The following ZBTB20 variants were observed in gnomAD, a reference collection of about 807,000 sequenced individuals.
ZBTB20 encodes the protein zinc finger and BTB domain-containing protein 20.
In ZBTB20, 9 loss-of-function variants were observed where a neutral mutation model predicts 56.9. That is an observed-to-expected ratio of 0.16 (90% CI 0.10 to 0.28). The LOEUF (loss-of-function observed/expected upper bound fraction) is 0.28. Among genes scored for constraint, ZBTB20 ranks in the 10% least tolerant of loss-of-function variants. The pLI is 1.00. For synonymous variants in ZBTB20, 417 were observed against 420.7 expected (o/e 0.99, Z 0.11); for missense variants, 655 against 1,003.0 (o/e 0.65, Z 4.69).
At chr3:115,022,139 A>C (rs1013203697) in intron 2 of ZBTB20, among the ~76,000 whole-genome samples, 1 of 150,740 alleles carries the variant, frequency 6.6e-6, no homozygotes, top group Admixed American at 6.6e-5. Context: ...TAGGATACGT[A>C]AAAAAGATAA....
At chr3:114,823,447 G>T (rs1296009254) in intron 4 of ZBTB20, among the ~76,000 whole-genome samples, 1 of 151,250 alleles carries the variant, frequency 6.6e-6, no homozygotes, top group Admixed American at 6.6e-5. Context: ...TCCAAAGAAA[G>T]GACTTATAAG....
At chr3:114,656,939 G>T (rs939628264) in intron 6 of ZBTB20, among the ~76,000 whole-genome samples, 1 of 151,810 alleles carries the variant, frequency 6.6e-6, no homozygotes, top group Non-Finnish European at 1.5e-5. Flanking sequence ...TACCGCACCG[G>T]GCCTGAAAAC....
intron 2 of ZBTB20, among the ~76,000 whole-genome samples, chr3:115,025,272 C>T (rs1035193792): frequency 2.6e-5 from 4 of 151,340 alleles, no homozygotes; most frequent in African/African-American, 9.7e-5. Context: ...CTGAGAAGAA[C>T]ACGATCGCAT....
chr3:114,663,860 C>T (rs1416136221), intron 6 of ZBTB20, among the ~76,000 whole-genome samples: 21 of 150,592 alleles, frequency 1.4e-4, no homozygotes, highest in Admixed American at 1.4e-3. Flanking sequence ...ATATATGCAC[C>T]CAATACAGGA....
At position 114,329,899 on chromosome 3, in the gene ZBTB20, C is replaced by CT. The variant is rs1440226399; in HGVS notation, c.*9105dup. The CT allele has an allele frequency of 6.6e-6, 1 of 152,116 alleles. No individual in the cohort carries two copies. The highest frequency in any genetic ancestry group is 1.5e-5 in the Non-Finnish European group (1 of 68,018). 9.4% of individuals were successfully genotyped at this position (152,116 alleles called of 1,614,324 possible). On this transcript the variant is annotated 3_prime_UTR_variant, in exon 12 of 12. Coordinates refer to ENST00000675478, the MANE Select transcript of ZBTB20 (RefSeq NM_001348800.3). ...TGGGGACAACTAGGTAATTCACTGTCTTACGCTTTTCAGAAGACTGGCCCT... is the reference window on the plus strand; with the variant it reads ...TGGGGACAACTAGGTAATTCACTGTCTTTACGCTTTTCAGAAGACTGGCCCT...
chr3:114,589,921 A>G (rs1202577511), intron 6 of ZBTB20, among the ~76,000 whole-genome samples: 2 of 152,094 alleles, frequency 1.3e-5, no homozygotes, highest in African/African-American at 4.8e-5. Context: ...CTCTCCCCTT[A>G]TTTCATAGCA....
intron 1 of ZBTB20, among the ~76,000 whole-genome samples, chr3:115,092,714 T>C (rs1289548413): frequency 2.6e-5 from 4 of 152,048 alleles, no homozygotes; most frequent in Non-Finnish European, 5.9e-5. Flanking sequence ...TTCATTCCAT[T>C]AAAAACAGCC....
At chr3:114,664,673 G>A (rs1474186995) in intron 6 of ZBTB20, among the ~76,000 whole-genome samples, 1 of 151,870 alleles carries the variant, frequency 6.6e-6, no homozygotes, top group East Asian at 1.9e-4. Context: ...TTGCATCTGT[G>A]AGCCACTGAG....
intron 7 of ZBTB20, chr3:114,445,419 C>T (rs975050556): frequency 6.6e-6 from 1 of 152,186 alleles, no homozygotes; most frequent in African/African-American, 2.4e-5. Flanking sequence ...ACCTTGCCCA[C>T]TGAGTTCACT....
Position 115,131,399 on chromosome 3 carries a change from T to A in ZBTB20, c.-703+15820A>T, listed in dbSNP as rs1158412877. ...TTCTATACCTTGCTCTTCTCACTCA[T>A]AAGAAACTCCTGGAAATTCTTTCAG... On this transcript the variant is annotated intron_variant, in intron 1 of 11. Coordinates refer to ENST00000675478, the MANE Select transcript of ZBTB20 (RefSeq NM_001348800.3). 3.9e-5 allele frequency among the ~76,000 whole-genome samples: 6 copies of A among 152,322 alleles called. No homozygotes were observed. In the East Asian group the frequency reaches 1.2e-3, roughly 29 times the overall value.
chr3:115,145,603 C>T (rs1248892834), intron 1 of ZBTB20, among the ~76,000 whole-genome samples: 1 of 152,106 alleles, frequency 6.6e-6, no homozygotes, highest in East Asian at 1.9e-4. Flanking sequence ...ATCTATTCCC[C>T]CACACCCAAA....
chr3:114,609,838 T>C (rs2057422389), intron 6 of ZBTB20, among the ~76,000 whole-genome samples: 1 of 152,158 alleles, frequency 6.6e-6, no homozygotes, highest in Non-Finnish European at 1.5e-5. Context: ...CAGAGGTATG[T>C]GGACTCTCAA....
chr3:115,137,783 A>C (rs1404915530), intron 1 of ZBTB20, among the ~76,000 whole-genome samples: 1 of 152,134 alleles, frequency 6.6e-6, no homozygotes, highest in African/African-American at 2.4e-5. Context: ...ATTGGACAGC[A>C]AACAACAATG....
chr3:114,508,125 T>C (rs2044865631), intron 6 of ZBTB20, among the ~76,000 whole-genome samples: 1 of 152,132 alleles, frequency 6.6e-6, no homozygotes, highest in Admixed American at 6.6e-5. Flanking sequence ...CAGAAAGTAA[T>C]ATATGAACTC....
At chr3:115,008,630 G>C (rs1408445410) in intron 2 of ZBTB20, among the ~76,000 whole-genome samples, 2 of 151,820 alleles carry the variant, frequency 1.3e-5, no homozygotes, top group African/African-American at 4.8e-5. Flanking sequence ...TAATATAAAA[G>C]TAACTTAATG....
chr3:114,626,457 T>C (rs1446904501), intron 6 of ZBTB20, among the ~76,000 whole-genome samples: 1 of 152,214 alleles, frequency 6.6e-6, no homozygotes, highest in African/African-American at 2.4e-5. Context: ...TTGATTATCA[T>C]ATCATATCAT....
At chr3:114,534,145 T>A (rs185057532) in intron 6 of ZBTB20, among the ~76,000 whole-genome samples, 1 of 152,232 alleles carries the variant, frequency 6.6e-6, no homozygotes, top group East Asian at 1.9e-4. Context: ...ACAGTGTTAA[T>A]CTTAAATGTA....
intron 3 of ZBTB20, among the ~76,000 whole-genome samples, chr3:114,907,752 T>A (rs915395823): frequency 1.3e-5 from 2 of 151,938 alleles, no homozygotes; most frequent in Admixed American, 6.6e-5. Context: ...CTAAAATGTT[T>A]ATTGAGTACT....
Position 114,570,052 on chromosome 3 carries a change from A to G in ZBTB20, c.-294-69661T>C, listed in dbSNP as rs909476644. Reference sequence around the variant, plus strand: ...TATATGCATTCAATTACGCACTTCAATAGTATAAAGGGTATTTCTCAACAT... The same window carrying G: ...TATATGCATTCAATTACGCACTTCAGTAGTATAAAGGGTATTTCTCAACAT... On this transcript the variant is annotated intron_variant, in intron 6 of 11. Transcript: ENST00000675478. Among the ~76,000 whole-genome samples, 34 of 152,202 alleles carry G rather than the reference A, an allele frequency of 2.2e-4. 1 individual carries two copies. The highest frequency in any genetic ancestry group is 8.2e-4 in the African/African-American group (34 of 41,466).
Sources: gnomAD v4.1 joint callset for allele counts (sites outside exome capture counted in the v4.1 genomes callset) on GRCh38, gnomAD v4.1.1 for gene constraint, MANE v1.5 for transcripts, NCBI Gene and HGNC (gene_info 2026-07-23, HGNC 2026-07-21) for gene names.